Variants in USP32 observed in about 807,000 individuals in gnomAD.
USP32 encodes the protein ubiquitin specific peptidase 32, also known as ubiquitin carboxyl-terminal hydrolase 32.
In USP32, 59 loss-of-function variants were observed where a neutral mutation model predicts 204.8. That is an observed-to-expected ratio of 0.29 (90% CI 0.23 to 0.36). The LOEUF is 0.36. Ranked by LOEUF, USP32 falls within the 10% of genes least tolerant of loss-of-function variation. USP32 has a pLI of 1.00. For missense variants in USP32, 1,160 were observed against 1,946.4 expected, an observed-to-expected ratio of 0.60 and a Z score of 7.60; for synonymous variants, 517 against 678.4, an observed-to-expected ratio of 0.76 and a Z score of 3.70.
intron 1 of USP32, among the ~76,000 whole-genome samples, chr17:60,351,679 C>T (rs1313963426): frequency 2.0e-5 from 3 of 152,176 alleles, no homozygotes; most frequent in African/African-American, 4.8e-5. Context: ...CCACCTCCCT[C>T]GGCCTCGCAA....
intron 19 of USP32, 21 bp from the exon 20 acceptor site, chr17:60,211,535 A>C: frequency 6.3e-7 from 1 of 1,599,644 alleles, no homozygotes; most frequent in South Asian, 1.1e-5. Context: ...CAATATGAGA[A>C]CCAAAGCTTA....
chr17:60,229,202 A>C (rs1053306606), intron 12 of USP32, among the ~76,000 whole-genome samples: 2 of 151,994 alleles, frequency 1.3e-5, no homozygotes, highest in African/African-American at 4.8e-5. Flanking sequence ...ACCATGCCCA[A>C]CTAATTTTTA....
rs191335690 is a variant in USP32, at chr17:60,397,442, A to G, written c.106+24804T>C. On this transcript the variant is annotated intron_variant, in intron 1 of 3. Coordinates refer to the USP32 transcript ENST00000588898. ...CAGTGGTGTGATCATAACTCACTGT[A>G]ACCTCAAACCCTGGGCTCAAGAAAT... Among the ~76,000 whole-genome samples the G allele has an allele frequency of 3.9e-5, 6 of 152,224 alleles. No homozygotes were observed. In the East Asian group the frequency reaches 1.2e-3, roughly 29 times the overall value.
At chr17:60,413,433 G>A (rs1328390391) in intron 1 of USP32, among the ~76,000 whole-genome samples, 1 of 152,144 alleles carries the variant, frequency 6.6e-6, no homozygotes, top group African/African-American at 2.4e-5. Flanking sequence ...GATGTGCTAG[G>A]CTAAGTCATA....
Position 60,261,159 on chromosome 17 carries a change from T to A in USP32, c.990+4253A>T, listed in dbSNP as rs190474409. Among the ~76,000 whole-genome samples the A allele has an allele frequency of 1.5e-4, 23 of 152,344 alleles. No individual in the cohort carries two copies. In the East Asian group the frequency reaches 4.4e-3, roughly 29 times the overall value. On this transcript the variant is annotated intron_variant, in intron 9 of 33. Coordinates refer to ENST00000300896, the MANE Select transcript of USP32 (RefSeq NM_032582.4). ...AAATGCTACTTGTTTATCTTTGAAG[T>A]AATAATTGTCAATGATTCTGCACTG...
At chr17:60,271,135 T>G (rs530755514) in intron 6 of USP32, among the ~76,000 whole-genome samples, 2 of 152,326 alleles carry the variant, frequency 1.3e-5, no homozygotes, top group East Asian at 3.9e-4. Context: ...CATGCTCGGG[T>G]GCAGAGAGCT....
chr17:60,179,448 C>T lies in USP32; in HGVS notation c.4642-20G>A. ...AAGTTCCTGAAAGGGCAAGAAAAAC[C>T]TTTAACAAAAAGCCATCACTACTAT... is the stretch of plus-strand genomic sequence containing the variant. On this transcript the variant is annotated intron_variant, in intron 33 of 33. Transcript: ENST00000300896. The T allele has an allele frequency of 6.2e-7, 1 of 1,611,088 alleles. No homozygotes were observed. The highest frequency in any genetic ancestry group is 1.3e-5 in the African/African-American group (1 of 74,890).
chr17:60,245,083 G>A (rs530262400), intron 11 of USP32, among the ~76,000 whole-genome samples: 32 of 152,230 alleles, frequency 2.1e-4, no homozygotes, highest in Middle Eastern at 3.4e-3. Context: ...ATATAAGATC[G>A]TTATATGTAA....
At chr17:60,204,015 G>A (rs932289416) in intron 26 of USP32, among the ~76,000 whole-genome samples, 7 of 152,082 alleles carry the variant, frequency 4.6e-5, no homozygotes, top group African/African-American at 7.2e-5. Context: ...CACTATACCC[G>A]AAGACTACCT....
At chr17:60,276,145 G>A (rs1011744200) in intron 5 of USP32, among the ~76,000 whole-genome samples, 1 of 152,112 alleles carries the variant, frequency 6.6e-6, no homozygotes, top group African/African-American at 2.4e-5. Flanking sequence ...TTGGGAAGCC[G>A]AGGTAAGAGG....
intron 2 of USP32, among the ~76,000 whole-genome samples, chr17:60,312,980 A>G (rs1192338794): frequency 6.6e-6 from 1 of 152,022 alleles, no homozygotes; most frequent in Non-Finnish European, 1.5e-5. Flanking sequence ...ACGGTGGCTC[A>G]TGCCTGTAAT....
chr17:60,210,232 T>A (rs1286689962), intron 21 of USP32, among the ~76,000 whole-genome samples: 19 of 152,074 alleles, frequency 1.2e-4, no homozygotes, highest in Admixed American at 1.2e-3. Flanking sequence ...TAATGAATAA[T>A]CCTAACTTCA....
chr17:60,296,272 G>GT (rs778298211), intron 3 of USP32, among the ~76,000 whole-genome samples: 72 of 152,314 alleles, frequency 4.7e-4, no homozygotes, highest in Non-Finnish European at 8.7e-4. Context: ...AAGTCCCTGT[G>GT]TATGTGAGAT....
At chr17:60,414,856 T>TC (rs1162203816) in intron 1 of USP32, among the ~76,000 whole-genome samples, 2 of 136,548 alleles carry the variant, frequency 1.5e-5, no homozygotes, top group African/African-American at 5.8e-5. Flanking sequence ...TCTTTCTTTC[T>TC]TTTTTTTTTT....
intron 1 of USP32, among the ~76,000 whole-genome samples, chr17:60,380,695 A>AG (rs2089632562): frequency 6.6e-6 from 1 of 152,226 alleles, no homozygotes; most frequent in Non-Finnish European, 1.5e-5. Context: ...ATTACATGGG[A>AG]GAAAAAAAGC....
intron 1 of USP32, among the ~76,000 whole-genome samples, chr17:60,383,592 G>A (rs1453123343): frequency 6.6e-6 from 1 of 152,238 alleles, no homozygotes; most frequent in Non-Finnish European, 1.5e-5. Context: ...CACTTCATAT[G>A]AGGTGATAAA....
At chr17:60,343,803 G>A (rs1442724611) in intron 2 of USP32, among the ~76,000 whole-genome samples, 1 of 152,142 alleles carries the variant, frequency 6.6e-6, no homozygotes, top group Non-Finnish European at 1.5e-5. Context: ...AGGCCAAGGC[G>A]GGTAGGTCAC....
intron 5 of USP32, among the ~76,000 whole-genome samples, chr17:60,276,946 C>CATACAT (rs1555606775): frequency 1.1e-4 from 16 of 140,740 alleles, no homozygotes; most frequent in African/African-American, 4.4e-4. Flanking sequence ...ATTACATATA[C>CATACAT]ATATATATAT....
chr17:60,283,037 T>G (rs1251077309), intron 5 of USP32, among the ~76,000 whole-genome samples: 1 of 152,152 alleles, frequency 6.6e-6, no homozygotes, highest in African/African-American at 2.4e-5. Context: ...AAATATAAAG[T>G]GTTGCAGAAA....
Sources: gnomAD v4.1 joint callset for allele counts (sites outside exome capture counted in the v4.1 genomes callset) on GRCh38, gnomAD v4.1.1 for gene constraint, MANE v1.5 for transcripts, NCBI Gene and HGNC (gene_info 2026-07-23, HGNC 2026-07-21) for gene names.